The following RADIL variants were observed in gnomAD, a reference collection of about 807,000 sequenced individuals.
RADIL encodes Rap associating with DIL domain.
A neutral mutation model predicts 97.6 loss-of-function variants in RADIL; 99 were observed. The ratio of observed to expected loss-of-function variants is 1.01; its 90% CI spans 0.86 to 1.20. RADIL has a LOEUF of 1.20. Ranked by LOEUF, RADIL falls within the 50% of genes most tolerant of loss-of-function variation. The pLI, the probability that RADIL is intolerant of heterozygous loss-of-function variation, is 0.00. For synonymous variants in RADIL, 803 were observed against 691.8 expected, an observed-to-expected ratio of 1.16 and a Z score of -2.52; for missense variants, 1,765 against 1,498.9, an observed-to-expected ratio of 1.18 and a Z score of -2.93.
intron 4 of RADIL, 93 bp from the exon 5 acceptor site, chr7:4,832,271 G>T: frequency 7.9e-7 from 1 of 1,262,642 alleles, no homozygotes; most frequent in Non-Finnish European, 1.1e-6. Context: ...AGGAAAACAA[G>T]CCATGCTGCC....
At position 4,849,587 on chromosome 7, in the gene RADIL, C is replaced by A. The variant is rs1370763661; in HGVS notation, c.536-12982G>T. Among the ~76,000 whole-genome samples, 1 of 152,144 alleles carries A rather than the reference C, an allele frequency of 6.6e-6. No individual in the cohort carries two copies. Among genetic ancestry groups the A allele is most frequent in the African/African-American group, 2.4e-5 (1 of 41,434 alleles). ...ACCATCCAAGGCATGAACATGCCTTCCAGCTGTTATCTGCAACAAACCTGC... is the reference window on the plus strand; with the variant it reads ...ACCATCCAAGGCATGAACATGCCTTACAGCTGTTATCTGCAACAAACCTGC... On this transcript the variant is annotated intron_variant, in intron 2 of 14. Transcript: ENST00000399583. This position sits in a 1 kb window ranked among gnomAD's most constrained non-coding sequence, Gnocchi z 5.4.
At chr7:4,820,815 C>T (rs969797657) in intron 6 of RADIL, among the ~76,000 whole-genome samples, 1 of 152,186 alleles carries the variant, frequency 6.6e-6, no homozygotes, top group Non-Finnish European at 1.5e-5. Flanking sequence ...GAGGACTGGG[C>T]CCCGACGCAT....
intron 3 of RADIL, 145 bp downstream of exon 3, chr7:4,836,213 C>T (rs1783294302): frequency 7.6e-7 from 1 of 1,312,944 alleles, no homozygotes; most frequent in Middle Eastern, 2.6e-4. Flanking sequence ...CCATCCCACT[C>T]CACAGCCTCG....
intron 13 of RADIL, 32 bp downstream of exon 13, chr7:4,800,139 T>C (rs1397123033): frequency 8.3e-6 from 13 of 1,560,802 alleles, no homozygotes; most frequent in Middle Eastern, 1.7e-4. Context: ...GCAGCCAGTA[T>C]GGGGGTGCGG....
chr7:4,805,066 C>T (rs962758532), intron 10 of RADIL, among the ~76,000 whole-genome samples: 1 of 152,104 alleles, frequency 6.6e-6, no homozygotes, highest in African/African-American at 2.4e-5. Context: ...TGCACTCCAG[C>T]CTGGATGACA....
At chr7:4,852,354 A>G (rs1257934642) in intron 2 of RADIL, among the ~76,000 whole-genome samples, 1 of 152,230 alleles carries the variant, frequency 6.6e-6, no homozygotes, top group Non-Finnish European at 1.5e-5. Flanking sequence ...TTGGAACGGA[A>G]CAAAAGAACT....
intron 2 of RADIL, among the ~76,000 whole-genome samples, chr7:4,866,099 GTTT>G (rs967356149): frequency 2.6e-5 from 4 of 152,138 alleles, no homozygotes; most frequent in African/African-American, 9.7e-5. Context: ...GACTGTATAT[GTTT>G]TTTGAGTGAT....
At chr7:4,825,700 A>AC (rs1426673443) in intron 5 of RADIL, among the ~76,000 whole-genome samples, 4 of 151,406 alleles carry the variant, frequency 2.6e-5, no homozygotes, top group African/African-American at 9.7e-5. Flanking sequence ...ACATGGTGAA[A>AC]CCCCGTCTCT....
Position 4,834,593 on chromosome 7 carries a change from C to G in RADIL, c.1416+14G>C. 1.4e-5 allele frequency: 19 copies of G among 1,323,132 alleles called. No homozygotes were observed. The highest frequency in any genetic ancestry group is 1.8e-5 in the Non-Finnish European group (19 of 1,030,052). The allele number at this position is 1,323,132 out of a possible 1,614,324, so 82.0% of individuals were successfully genotyped here. A position where few individuals can be genotyped will look rare whatever the true frequency, so the allele number is the denominator to read the frequency against. ...CCGGCACAGGACCCAGACCGCCCAC[C>G]CCAGCACACTGACCCAGACAGTCTC... On this transcript the variant is annotated intron_variant, in intron 4 of 14. Coordinates refer to ENST00000399583, the MANE Select transcript of RADIL (RefSeq NM_018059.5). The surrounding 1 kb of genome is among the most constrained non-coding windows in gnomAD (Gnocchi z 6.0).
chr7:4,832,047 G>A (rs568516187), intron 5 of RADIL, 94 bp downstream of exon 5: 32 of 1,365,350 alleles, frequency 2.3e-5, no homozygotes, highest in South Asian at 6.1e-5. Flanking sequence ...ACCCCAAGGC[G>A]TGGGGAGACC....
chr7:4,820,012 C>T (rs2115193830), intron 6 of RADIL, among the ~76,000 whole-genome samples: 1 of 152,336 alleles, frequency 6.6e-6, no homozygotes, highest in East Asian at 1.9e-4. Flanking sequence ...CCCAGGCAGC[C>T]ACGAAGCCAC....
chr7:4,882,403 G>C (rs898182852), intron 1 of RADIL, among the ~76,000 whole-genome samples: 1 of 152,226 alleles, frequency 6.6e-6, no homozygotes, highest in East Asian at 1.9e-4. Context: ...GGAAAGCGCA[G>C]GGCTCGGACA....
At position 4,849,598 on chromosome 7, in the gene RADIL, C is replaced by T. The variant is rs1321050049; in HGVS notation, c.536-12993G>A. ...CATGAACATGCCTTCCAGCTGTTAT[C>T]TGCAACAAACCTGCAGACCGAATGG... On this transcript the variant is annotated intron_variant, in intron 2 of 14. Coordinates refer to ENST00000399583, the MANE Select transcript of RADIL (RefSeq NM_018059.5). The surrounding 1 kb of genome is among the most constrained non-coding windows in gnomAD (Gnocchi z 5.4). 6.6e-6 allele frequency among the ~76,000 whole-genome samples: 1 copy of T among 152,158 alleles called. No individual in the cohort carries two copies. The highest frequency in any genetic ancestry group is 1.9e-4 in the East Asian group (1 of 5,188).
At position 4,835,065 on chromosome 7, in the gene RADIL, TG is replaced by T; in HGVS notation, c.957del (p.Ile320SerfsTer103). ...GQAAGRLVLEPIPGAHISVNF... is the reference protein window; with the variant it reads ...GQAAGRLVLEXIPGAHISVNF... Reference sequence around the variant, plus strand: ...TTGACGGAGATGTGCGCCCCGGGGATGGGCTCCAGGACCAGCCTCCCCGCGG... The same window carrying T: ...TTGACGGAGATGTGCGCCCCGGGGATGGCTCCAGGACCAGCCTCCCCGCGG... On this transcript the variant is annotated frameshift_variant, in exon 4 of 15. Transcript: ENST00000399583. LOFTEE classifies it high-confidence loss of function. This position sits in a 1 kb window ranked among gnomAD's most constrained non-coding sequence, Gnocchi z 5.8. The T allele has an allele frequency of 1.2e-6, 2 of 1,608,036 alleles. No homozygotes were observed. Among genetic ancestry groups the T allele is most frequent in the South Asian group, 1.1e-5 (1 of 90,310 alleles).
chr7:4,859,821 T>C (rs988818033), intron 2 of RADIL: 4 of 866,218 alleles, frequency 4.6e-6, no homozygotes, highest in African/African-American at 3.4e-5. Context: ...TGTCTTTGTA[T>C]TGAGTTTCTC....
Position 4,818,463 on chromosome 7 carries a change from A to G in RADIL, c.1616-1112T>C, listed in dbSNP as rs1019134742. Among the ~76,000 whole-genome samples the G allele has an allele frequency of 2.6e-5, 4 of 152,078 alleles. No homozygotes were observed. Among genetic ancestry groups the G allele is most frequent in the African/African-American group, 9.7e-5 (4 of 41,436 alleles). On this transcript the variant is annotated intron_variant, in intron 6 of 14. Coordinates refer to ENST00000399583, the MANE Select transcript of RADIL (RefSeq NM_018059.5). This position sits in a 1 kb window ranked among gnomAD's most constrained non-coding sequence, Gnocchi z 7.1. ...CCCCACCCACCAAGCCCGCTCCCCA[A>G]GAACCTGTGAAGCCCCCCAGTGCCT...
In RADIL at chr7:4,878,224, G is replaced by T; in HGVS notation, c.-64-21C>A. ...GTGACCTGGGTGAAAAAGTGAGAGA[G>T]GTTAGCGCCAACCATCGTGACCACC... On this transcript the variant is annotated intron_variant, in intron 1 of 14. Coordinates refer to ENST00000399583, the MANE Select transcript of RADIL (RefSeq NM_018059.5). This position sits in a 1 kb window ranked among gnomAD's most constrained non-coding sequence, Gnocchi z 4.1. 1 of 1,372,284 alleles carries T rather than the reference G, an allele frequency of 7.3e-7. No homozygotes were observed. Among genetic ancestry groups the T allele is most frequent in the Non-Finnish European group, 9.6e-7 (1 of 1,036,714 alleles). The allele number at this position is 1,372,284 out of a possible 1,614,324, so 85.0% of individuals were successfully genotyped here. A position where few individuals can be genotyped will look rare whatever the true frequency, so the allele number is the denominator to read the frequency against.
intron 9 of RADIL, among the ~76,000 whole-genome samples, chr7:4,812,820 T>C (rs55709398): frequency 0.07 from 10,719 of 152,272 alleles, 523 homozygotes; most frequent in African/African-American, 0.14. Context: ...ATCCGTCATC[T>C]CCTCTGCTTT....
chr7:4,843,003 ATTTTT>A (rs376252570), intron 2 of RADIL, among the ~76,000 whole-genome samples: 2 of 127,342 alleles, frequency 1.6e-5, no homozygotes, highest in African/African-American at 3.1e-5. Flanking sequence ...GCAAGAGACA[ATTTTT>A]TTTTTTTTTT....
Sources: gnomAD v4.1 joint callset for allele counts (sites outside exome capture counted in the v4.1 genomes callset) on GRCh38, gnomAD v4.1.1 for gene constraint, Gnocchi (gnomAD v3.1) non-coding constraint, MANE v1.5 for transcripts, NCBI Gene and HGNC (gene_info 2026-07-23, HGNC 2026-07-21) for gene names.